FABP12: variants seen among roughly 807,000 people sequenced by gnomAD.
The protein encoded by FABP12 is fatty acid-binding protein 12.
A neutral mutation model predicts 13.7 loss-of-function variants in FABP12; 19 were observed. The observed-to-expected ratio is 1.39, with a 90% CI of 0.97 to 2.04. The LOEUF is 2.04. Ranked by LOEUF, FABP12 falls within the 30% of genes most tolerant of loss-of-function variation. The pLI is 0.00. For synonymous variants in FABP12, 61 were observed against 57.0 expected, an observed-to-expected ratio of 1.07 and a Z score of -0.32; for missense variants, 182 against 164.2, an observed-to-expected ratio of 1.11 and a Z score of -0.59.
intron 3 of FABP12, among the ~76,000 whole-genome samples, chr8:81,528,823 T>C (rs1205829709): frequency 1.3e-5 from 2 of 152,168 alleles, no homozygotes; most frequent in Non-Finnish European, 2.9e-5. Context: ...AAAAAGCCCA[T>C]GTCTCTTTAT....
intron 1 of FABP12, among the ~76,000 whole-genome samples, chr8:81,550,756 A>G (rs1345592970): frequency 6.6e-6 from 1 of 152,198 alleles, no homozygotes; most frequent in African/African-American, 2.4e-5. Flanking sequence ...CAGAAAAATT[A>G]CCAAACCTAG....
At chr8:81,535,794 T>C (rs1809207415), upstream of FABP12, among the ~76,000 whole-genome samples, 1 of 152,192 alleles carries the variant, frequency 6.6e-6, no homozygotes, top group Non-Finnish European at 1.5e-5. Flanking sequence ...TGTCACCTAT[T>C]GAGACAAAGG....
intron 1 of FABP12, among the ~76,000 whole-genome samples, chr8:81,585,007 C>G (rs543245181): frequency 2.0e-4 from 30 of 152,274 alleles, no homozygotes; most frequent in African/African-American, 7.0e-4. Flanking sequence ...GGATAGTTAG[C>G]AAATATTTTC....
chr8:81,561,181 G>A (rs1328977960), intron 1 of FABP12, among the ~76,000 whole-genome samples: 1 of 152,008 alleles, frequency 6.6e-6, no homozygotes, highest in Non-Finnish European at 1.5e-5. Flanking sequence ...ATTGTTCTCA[G>A]TTCCAAATCT....
chr8:81,548,082 C>A (rs530176580), intron 1 of FABP12, among the ~76,000 whole-genome samples: 4 of 152,150 alleles, frequency 2.6e-5, no homozygotes, highest in African/African-American at 9.7e-5. Context: ...TCTCTTTTCA[C>A]AGTAACTGTG....
At chr8:81,582,760 G>C (rs1810185969) in intron 1 of FABP12, among the ~76,000 whole-genome samples, 1 of 151,980 alleles carries the variant, frequency 6.6e-6, no homozygotes, top group Non-Finnish European at 1.5e-5. Flanking sequence ...GTAATAGTTG[G>C]GGACTTTGAT....
chr8:81,565,234 T>A (rs1450856454), intron 1 of FABP12, among the ~76,000 whole-genome samples: 1 of 152,004 alleles, frequency 6.6e-6, no homozygotes, highest in Non-Finnish European at 1.5e-5. Flanking sequence ...AATACAATAA[T>A]AGCTGGAGAA....
chr8:81,547,292 A>G (rs1191567233), intron 1 of FABP12, among the ~76,000 whole-genome samples: 1 of 152,254 alleles, frequency 6.6e-6, no homozygotes, highest in Non-Finnish European at 1.5e-5. Context: ...AGACAAATGA[A>G]TGGACAATTC....
chr8:81,556,489 T>C (rs1809617995), intron 1 of FABP12, among the ~76,000 whole-genome samples: 1 of 152,082 alleles, frequency 6.6e-6, no homozygotes, highest in Non-Finnish European at 1.5e-5. Flanking sequence ...TTATAGCATA[T>C]ATAGCAATTC....
chr8:81,577,112 C>G (rs540986452), intron 1 of FABP12, among the ~76,000 whole-genome samples: 1 of 152,276 alleles, frequency 6.6e-6, no homozygotes, highest in African/African-American at 2.4e-5. Context: ...TAAATAAATA[C>G]TATAGTAAAT....
intron 1 of FABP12, among the ~76,000 whole-genome samples, chr8:81,588,560 G>A (rs913403724): frequency 6.6e-6 from 1 of 152,064 alleles, no homozygotes; most frequent in Non-Finnish European, 1.5e-5. Context: ...AAGTCTTTAT[G>A]TCTTTCTAAG....
At chr8:81,570,705 A>G (rs768139532) in intron 1 of FABP12, among the ~76,000 whole-genome samples, 3 of 151,836 alleles carry the variant, frequency 2.0e-5, no homozygotes, top group Non-Finnish European at 4.4e-5. Context: ...CTTGGCAGAG[A>G]GGGTAGTTTC....
chr8:81,569,065 A>G (rs541781422), intron 1 of FABP12, among the ~76,000 whole-genome samples: 31 of 152,300 alleles, frequency 2.0e-4, no homozygotes, highest in African/African-American at 6.7e-4. Flanking sequence ...ACTACAGTGA[A>G]CAATCATTTA....
rs182111863 is a variant in FABP12, at chr8:81,529,581, G to A, written c.103C>T (p.Arg35Cys). ...ATGGTCACAGTGGGTTTTGCCAAAC[G>A]GCCCAGTTTCCTGCTGGCTCTTCCT... is the stretch of plus-strand genomic sequence containing the variant. The change falls in exon 3 of 5, where the codon CGT becomes TGT. Residue 35 changes from arginine to cysteine, a missense_variant. By Grantham distance (180) the Arg-to-Cys change is radical. Coordinates refer to ENST00000360464, the Ensembl canonical transcript of FABP12. 3.4e-4 allele frequency: 548 copies of A among 1,613,702 alleles called. No individual in the cohort carries two copies. The African/African-American group carries it at 4.9e-3, about 14-fold the overall frequency.
upstream of FABP12, among the ~76,000 whole-genome samples, chr8:81,537,535 A>C (rs980222842): frequency 2.6e-5 from 4 of 152,200 alleles, no homozygotes; most frequent in African/African-American, 9.7e-5. Flanking sequence ...AAATTTATTG[A>C]AAATGGAGAA....
At chr8:81,555,092 A>G (rs1376041067) in intron 1 of FABP12, among the ~76,000 whole-genome samples, 1 of 152,182 alleles carries the variant, frequency 6.6e-6, no homozygotes, top group Non-Finnish European at 1.5e-5. Flanking sequence ...GAAAACAGCT[A>G]CTTCACCCTT....
At chr8:81,565,120 A>G (rs910023964) in intron 1 of FABP12, among the ~76,000 whole-genome samples, 2 of 152,108 alleles carry the variant, frequency 1.3e-5, no homozygotes, top group Non-Finnish European at 2.9e-5. Flanking sequence ...AAAGGGGCCA[A>G]TTCAGCAAAA....
intron 1 of FABP12, among the ~76,000 whole-genome samples, chr8:81,571,506 A>G (rs1293209333): frequency 6.6e-6 from 1 of 152,188 alleles, no homozygotes; most frequent in Admixed American, 6.5e-5. Context: ...CACCTCCCCC[A>G]CTGTGGATGG....
intron 1 of FABP12, among the ~76,000 whole-genome samples, chr8:81,545,058 T>C (rs1809414186): frequency 6.6e-6 from 1 of 152,172 alleles, no homozygotes; most frequent in Non-Finnish European, 1.5e-5. Context: ...TTCATTCTTG[T>C]TGCCCAGGCT....
Sources: gnomAD v4.1 joint callset for allele counts (sites outside exome capture counted in the v4.1 genomes callset) on GRCh38, gnomAD v4.1.1 for gene constraint, MANE v1.5 for transcripts, NCBI Gene and HGNC (gene_info 2026-07-23, HGNC 2026-07-21) for gene names.